Variants in PIAS2 observed in about 807,000 individuals in gnomAD.
PIAS2 encodes the protein protein inhibitor of activated STAT 2, also known as E3 SUMO-protein ligase PIAS2.
A neutral mutation model predicts 69.7 loss-of-function variants in PIAS2; 19 were observed. The observed-to-expected ratio is 0.27, with a 90% CI of 0.19 to 0.40. PIAS2 has a LOEUF of 0.40. Among genes scored for constraint, PIAS2 ranks in the 10% least tolerant of loss-of-function variants. The probability of loss-of-function intolerance (pLI) is 1.00; values close to 1 mark genes in which losing one functional copy is unlikely to be tolerated. For synonymous variants in PIAS2, 261 were observed against 263.2 expected, an observed-to-expected ratio of 0.99 and a Z score of 0.08; for missense variants, 624 against 757.0, an observed-to-expected ratio of 0.82 and a Z score of 2.06.
rs998397872 is a variant in PIAS2 at position 46,809,304 on chromosome 18, T to G, written c.*3129A>C. 1 of 152,196 alleles carries G rather than the reference T, an allele frequency of 6.6e-6. No homozygotes were observed. The highest frequency in any genetic ancestry group is 2.4e-5 in the African/African-American group (1 of 41,444). The allele number at this position is 152,196 out of a possible 1,614,324, so 9.4% of individuals were successfully genotyped here. On this transcript the variant is annotated 3_prime_UTR_variant, in exon 14 of 14. Transcript: ENST00000585916. ...GGACAGATGCCAAGTTTTTATAACTTCAGGCCAGAAAATCCTCAAGTGGCT... is the reference window on the plus strand; with the variant it reads ...GGACAGATGCCAAGTTTTTATAACTGCAGGCCAGAAAATCCTCAAGTGGCT...
chr18:46,896,608 T>C (rs897323003), intron 1 of PIAS2, among the ~76,000 whole-genome samples: 1 of 152,244 alleles, frequency 6.6e-6, no homozygotes, highest in Non-Finnish European at 1.5e-5. Context: ...ATGCAAATTA[T>C]TGGTTTTCAA....
chr18:46,900,363 T>C (rs1293481369), intron 1 of PIAS2, among the ~76,000 whole-genome samples: 1 of 140,332 alleles, frequency 7.1e-6, no homozygotes, highest in Non-Finnish European at 1.6e-5. Flanking sequence ...ACTCCATCTT[T>C]AAAAAAAAAA....
intron 12 of PIAS2, chr18:46,816,509 G>C (rs1366330290): frequency 1.1e-6 from 1 of 901,832 alleles, no homozygotes; most frequent in African/African-American, 1.8e-5. Flanking sequence ...CACTGAGTCT[G>C]CTCTGTTGCC....
At chr18:46,858,226 A>G (rs557978000) in intron 3 of PIAS2, among the ~76,000 whole-genome samples, 2 of 152,068 alleles carry the variant, frequency 1.3e-5, no homozygotes, top group South Asian at 4.1e-4. Flanking sequence ...TAAGATTAAA[A>G]AAAAAAAAAA....
rs1555705789 is a variant in PIAS2, at chr18:46,806,353, C to CTG, written c.*6079_*6080insCA. On this transcript the variant is annotated 3_prime_UTR_variant, in exon 14 of 14. Transcript: ENST00000585916. ...AAAATTCTTTGCACAATGCCTGTTA[C>CTG]TTTTTTTTTTTTTTTTTTTTTTTTT... 1.7e-5 allele frequency: 1 copy of CTG among 60,208 alleles called. No individual in the cohort carries two copies. The highest frequency in any genetic ancestry group is 5.4e-5 in the African/African-American group (1 of 18,482). The allele number at this position is 60,208 out of a possible 1,614,324, so 3.7% of individuals were successfully genotyped here. A position where few individuals can be genotyped will look rare whatever the true frequency, so the allele number is the denominator to read the frequency against.
At chr18:46,905,381 A>T (rs1288894440) in intron 1 of PIAS2, among the ~76,000 whole-genome samples, 1 of 152,166 alleles carries the variant, frequency 6.6e-6, no homozygotes. Context: ...TTATGATCTT[A>T]AATAACTATG....
upstream of PIAS2, among the ~76,000 whole-genome samples, chr18:46,918,312 C>T (rs780318575): frequency 6.6e-6 from 1 of 152,086 alleles, no homozygotes; most frequent in Non-Finnish European, 1.5e-5. Flanking sequence ...TGGGTGGAAC[C>T]CACACACGAG....
intron 1 of PIAS2, among the ~76,000 whole-genome samples, chr18:46,897,821 T>C (rs1440759304): frequency 6.6e-6 from 1 of 151,960 alleles, no homozygotes; most frequent in Non-Finnish European, 1.5e-5. Context: ...TACTATGTTC[T>C]GTCATTTGAC....
At chr18:46,855,530 T>A in intron 4 of PIAS2, 35 bp downstream of exon 4, 4 of 1,594,546 alleles carry the variant, frequency 2.5e-6, no homozygotes, top group Non-Finnish European at 3.4e-6. Context: ...AGTAAGCAAG[T>A]ATAAAACTAA....
chr18:46,826,643 A>G (rs539603530), intron 11 of PIAS2: 1 of 152,334 alleles, frequency 6.6e-6, no homozygotes, highest in Admixed American at 6.5e-5. Flanking sequence ...TTACAGATGT[A>G]CCAACCAATT....
intron 3 of PIAS2, among the ~76,000 whole-genome samples, chr18:46,862,821 T>C (rs1006924097): frequency 4.1e-4 from 63 of 152,098 alleles, no homozygotes; most frequent in African/African-American, 1.5e-3. Flanking sequence ...TTCTCCTGCC[T>C]CAGCTTTCCG....
rs1443300354 is a variant in PIAS2, at chr18:46,890,677, C to A, written c.402G>T (p.Gln134His). The A allele has an allele frequency of 1.2e-6, 2 of 1,613,794 alleles. No homozygotes were observed. The highest frequency in any genetic ancestry group is 2.7e-5 in the African/African-American group (2 of 74,918). The change falls in exon 2 of 14, where the codon CAG (glutamine) becomes CAT (histidine). Residue 134 changes from glutamine (Q) to histidine (H), a missense_variant. Coordinates refer to ENST00000585916, the MANE Select transcript of PIAS2 (RefSeq NM_004671.5). ...GGACAGGAGGAATTGGGGGAGATGG[C>A]TGCTGCATCTCAAATGTGGGCTTAG... is the stretch of plus-strand genomic sequence containing the variant. Reference protein sequence around the residue: ...QDTKPTFEMQQPSPPIPPVHP... With the variant: ...QDTKPTFEMQHPSPPIPPVHP...
At chr18:46,877,174 T>C (rs2051353444) in intron 2 of PIAS2, among the ~76,000 whole-genome samples, 1 of 152,198 alleles carries the variant, frequency 6.6e-6, no homozygotes, top group South Asian at 2.1e-4. Context: ...TAAAACCTTT[T>C]TCAATCTCCC....
chr18:46,862,981 C>T (rs761604815), intron 3 of PIAS2, among the ~76,000 whole-genome samples: 3 of 152,170 alleles, frequency 2.0e-5, no homozygotes, highest in Non-Finnish European at 2.9e-5. Flanking sequence ...GCTGGGATTA[C>T]AAGCATGAGC....
At chr18:46,895,289 T>A (rs573555333) in intron 1 of PIAS2, among the ~76,000 whole-genome samples, 1 of 152,210 alleles carries the variant, frequency 6.6e-6, no homozygotes, top group African/African-American at 2.4e-5. Context: ...TGCTATGATG[T>A]ATATAATACA....
chr18:46,826,097 C>T (rs1347885769), intron 11 of PIAS2, among the ~76,000 whole-genome samples: 1 of 152,196 alleles, frequency 6.6e-6, no homozygotes, highest in Non-Finnish European at 1.5e-5. Context: ...GGTAGCTGCG[C>T]TTTATACAGA....
intron 12 of PIAS2, chr18:46,815,732 C>A: frequency 2.0e-6 from 2 of 1,001,410 alleles, no homozygotes; most frequent in Non-Finnish European, 2.4e-6. Flanking sequence ...AGATATTTCA[C>A]ATTTATTTTT....
At chr18:46,861,801 G>A (rs1386819282) in intron 3 of PIAS2, among the ~76,000 whole-genome samples, 1 of 152,118 alleles carries the variant, frequency 6.6e-6, no homozygotes, top group Non-Finnish European at 1.5e-5. Context: ...AGCAGAGTAG[G>A]ATGACTCAAC....
chr18:46,856,003 T>TTTTG (rs1555755826), intron 3 of PIAS2, among the ~76,000 whole-genome samples: 1 of 115,818 alleles, frequency 8.6e-6, no homozygotes, highest in African/African-American at 3.2e-5. Flanking sequence ...TTTTGTTTTT[T>TTTTG]TTTTTTTTTT....
Sources: gnomAD v4.1 joint callset for allele counts (sites outside exome capture counted in the v4.1 genomes callset) on GRCh38, gnomAD v4.1.1 for gene constraint, MANE v1.5 for transcripts, NCBI Gene and HGNC (gene_info 2026-07-23, HGNC 2026-07-21) for gene names.